Variants in RPS6KC1 observed in about 807,000 individuals in gnomAD.
The protein encoded by RPS6KC1 is ribosomal protein S6 kinase C1.
A neutral mutation model predicts 103.8 loss-of-function variants in RPS6KC1; 54 were observed. That is an observed-to-expected ratio of 0.52 (90% CI 0.42 to 0.65). The LOEUF is 0.65. Ranked by LOEUF, RPS6KC1 falls within the 30% of genes least tolerant of loss-of-function variation. The pLI, the probability that RPS6KC1 is intolerant of heterozygous loss-of-function variation, is 0.00. For synonymous variants in RPS6KC1, 439 were observed against 438.7 expected (o/e 1.00, Z -0.01); for missense variants, 1,151 against 1,253.8 (o/e 0.92, Z 1.24).
the RPS6KC1 span, among the ~76,000 whole-genome samples, chr1:213,619,183 T>C: frequency 2.0e-5 from 3 of 152,168 alleles, no homozygotes; most frequent in Non-Finnish European, 1.5e-5. Flanking sequence ...CCATCCTCAC[T>C]CAGAATGTTA....
the RPS6KC1 span, among the ~76,000 whole-genome samples, chr1:213,661,183 C>T: frequency 6.6e-6 from 1 of 152,158 alleles, no homozygotes; most frequent in African/African-American, 2.4e-5. Context: ...GCCAGACATG[C>T]AGCCTTTTTT....
chr1:213,454,804 TTG>T, the RPS6KC1 span, among the ~76,000 whole-genome samples: 1 of 152,228 alleles, frequency 6.6e-6, no homozygotes, highest in African/African-American at 2.4e-5. Context: ...CTGGCTGGTG[TTG>T]TCTCTTAGCC....
At chr1:213,113,333 A>G (rs1320063718) in intron 4 of RPS6KC1, among the ~76,000 whole-genome samples, 2 of 151,864 alleles carry the variant, frequency 1.3e-5, no homozygotes, top group South Asian at 2.1e-4. Context: ...GCATTTTTTC[A>G]TGTGTTTTTT....
the RPS6KC1 span, among the ~76,000 whole-genome samples, chr1:213,359,417 T>C: frequency 7.2e-5 from 11 of 152,230 alleles, no homozygotes; most frequent in Admixed American, 5.9e-4. Flanking sequence ...TGGTAGATCT[T>C]CCTCCATCCC....
At chr1:213,268,193 G>T (rs2094955733) in intron 14 of RPS6KC1, among the ~76,000 whole-genome samples, 1 of 151,832 alleles carries the variant, frequency 6.6e-6, no homozygotes, top group African/African-American at 2.4e-5. Flanking sequence ...ACAGTAAAAG[G>T]AAAATAACTT....
intron 6 of RPS6KC1, among the ~76,000 whole-genome samples, chr1:213,166,550 C>T (rs572301996): frequency 1.4e-3 from 211 of 152,018 alleles, no homozygotes; most frequent in African/African-American, 4.9e-3. Flanking sequence ...ATTTTAATTG[C>T]GGGTTGAGGA....
the RPS6KC1 span, among the ~76,000 whole-genome samples, chr1:213,550,764 C>G: frequency 6.6e-6 from 1 of 152,150 alleles, no homozygotes; most frequent in Non-Finnish European, 1.5e-5. Context: ...TCTCTGCTCT[C>G]CCCTAAAAAT....
At chr1:213,311,699 G>A in the RPS6KC1 span, among the ~76,000 whole-genome samples, 1 of 151,966 alleles carries the variant, frequency 6.6e-6, no homozygotes, top group Non-Finnish European at 1.5e-5. Context: ...CCATGTTAAG[G>A]GGCTGTGCTG....
chr1:213,860,083 A>G, the RPS6KC1 span, among the ~76,000 whole-genome samples: 5 of 151,738 alleles, frequency 3.3e-5, no homozygotes, highest in African/African-American at 1.2e-4. Context: ...GACATAGAAA[A>G]AAGGTGTAAA....
At chr1:213,326,203 GA>G in the RPS6KC1 span, among the ~76,000 whole-genome samples, 10 of 138,606 alleles carry the variant, frequency 7.2e-5, no homozygotes, top group East Asian at 4.3e-4. Context: ...ATAAATAAGA[GA>G]AAAAAAAAGA....
At chr1:213,506,431 G>A in the RPS6KC1 span, among the ~76,000 whole-genome samples, 2 of 152,204 alleles carry the variant, frequency 1.3e-5, no homozygotes, top group African/African-American at 4.8e-5. Context: ...CTCTCACTAA[G>A]TATCAGACTG....
the RPS6KC1 span, among the ~76,000 whole-genome samples, chr1:213,320,721 C>T: frequency 6.6e-6 from 1 of 152,190 alleles, no homozygotes; most frequent in African/African-American, 2.4e-5. Context: ...AATGCATTTT[C>T]CAGATAAGAC....
At chr1:213,782,709 G>C in the RPS6KC1 span, among the ~76,000 whole-genome samples, 2 of 152,020 alleles carry the variant, frequency 1.3e-5, no homozygotes, top group African/African-American at 4.8e-5. Flanking sequence ...AGAAAAAGAA[G>C]GACATGCACA....
At chr1:213,673,373 C>A in the RPS6KC1 span, among the ~76,000 whole-genome samples, 10 of 152,312 alleles carry the variant, frequency 6.6e-5, no homozygotes, top group East Asian at 1.5e-3. Context: ...TGTTGGTAAA[C>A]CTAATCAGGG....
chr1:213,402,898 A>G, the RPS6KC1 span, among the ~76,000 whole-genome samples: 3 of 150,202 alleles, frequency 2.0e-5, no homozygotes, highest in African/African-American at 7.3e-5. Flanking sequence ...GCAGATCACA[A>G]GGTCAGGAGA....
intron 3 of RPS6KC1, among the ~76,000 whole-genome samples, 188 bp from the exon 4 acceptor site, chr1:213,104,266 A>AT (rs956884236): frequency 2.5e-4 from 38 of 152,270 alleles, no homozygotes; most frequent in Admixed American, 3.9e-4. Flanking sequence ...TATCAGAAAC[A>AT]TTTTCTTTTC....
At chr1:213,229,674 C>T (rs1035473487) in intron 8 of RPS6KC1, among the ~76,000 whole-genome samples, 4 of 151,848 alleles carry the variant, frequency 2.6e-5, no homozygotes, top group East Asian at 1.9e-4. Flanking sequence ...TTTATTTTAT[C>T]CATCAAGATG....
chr1:213,541,553 A>G, the RPS6KC1 span, among the ~76,000 whole-genome samples: 7 of 152,180 alleles, frequency 4.6e-5, no homozygotes, highest in South Asian at 2.1e-4. Context: ...GTATTCCTGT[A>G]TCCATAATGC....
At chr1:213,230,835 C>CAAAA (rs760471422) in intron 9 of RPS6KC1, among the ~76,000 whole-genome samples, 2 of 54,646 alleles carry the variant, frequency 3.7e-5, no homozygotes, top group African/African-American at 5.9e-5. Context: ...GACCCTGTCT[C>CAAAA]AAAAAAAAAA....
Sources: allele counts gnomAD v4.1 joint callset (sites outside exome capture counted in the v4.1 genomes callset), GRCh38; gene constraint gnomAD v4.1.1; transcripts MANE v1.5; gene names NCBI Gene and HGNC (gene_info 2026-07-23, HGNC 2026-07-21).